The following PIERCE2 variants were observed in gnomAD, a reference collection of about 807,000 sequenced individuals.
PIERCE2 encodes the protein piercer of microtubule wall 2, also known as piercer of microtubule wall 2 protein.
At chr15:55,415,230 G>A in the PIERCE2 span, among the ~76,000 whole-genome samples, 2 of 152,138 alleles carry the variant, frequency 1.3e-5, no homozygotes, top group Non-Finnish European at 2.9e-5. Flanking sequence ...CACTTTGGGA[G>A]GCCGAGGCAG....
At chr15:55,411,853 G>A in the PIERCE2 span, among the ~76,000 whole-genome samples, 3 of 151,960 alleles carry the variant, frequency 2.0e-5, no homozygotes, top group Admixed American at 6.6e-5. Context: ...CCCAGAAGGC[G>A]GAGGTTGCGG....
the PIERCE2 span, chr15:55,417,830 G>C: frequency 3.7e-6 from 1 of 267,524 alleles, no homozygotes; most frequent in Non-Finnish European, 7.1e-6. Flanking sequence ...AGCGAAGGGA[G>C]ATAGGGGTGG....
chr15:55,415,456 CA>C, the PIERCE2 span, among the ~76,000 whole-genome samples: 16,197 of 82,682 alleles, frequency 0.2, 1,099 homozygotes, highest in African/African-American at 0.31. Context: ...AACTTCGTCT[CA>C]AAAAAAAAAA....
the PIERCE2 span, among the ~76,000 whole-genome samples, chr15:55,415,939 A>G: frequency 6.6e-6 from 1 of 152,108 alleles, no homozygotes; most frequent in African/African-American, 2.4e-5. Flanking sequence ...CTTCCATCTA[A>G]ATCAGTACAC....
At chr15:55,413,160 C>T in the PIERCE2 span, among the ~76,000 whole-genome samples, 5,554 of 151,204 alleles carry the variant, frequency 0.037, 105 homozygotes, top group African/African-American at 0.05. Context: ...TCCAGCTACT[C>T]GGGAGGCTGA....
the PIERCE2 span, chr15:55,418,473 A>G: frequency 5.9e-6 from 9 of 1,526,816 alleles, no homozygotes; most frequent in Non-Finnish European, 7.0e-6. Context: ...TTTTCAAGCC[A>G]TATCAGAGCA....
chr15:55,413,760 CAAAAA>C, the PIERCE2 span, among the ~76,000 whole-genome samples: 26 of 111,458 alleles, frequency 2.3e-4, no homozygotes, highest in Non-Finnish European at 3.4e-4. Flanking sequence ...AACTCCGTTT[CAAAAA>C]AAAAAAAAAA....
the PIERCE2 span, among the ~76,000 whole-genome samples, chr15:55,413,051 G>A: frequency 6.6e-5 from 10 of 151,398 alleles, no homozygotes; most frequent in East Asian, 2.0e-4. Context: ...GGCGGATCAC[G>A]AGGTCAGGAG....
the PIERCE2 span, among the ~76,000 whole-genome samples, chr15:55,415,790 G>A: frequency 1.3e-5 from 2 of 152,150 alleles, no homozygotes; most frequent in Non-Finnish European, 2.9e-5. Flanking sequence ...GTAGTGCCGG[G>A]CTGTCTGCCT....
the PIERCE2 span, among the ~76,000 whole-genome samples, chr15:55,412,975 T>C: frequency 6.6e-6 from 1 of 151,858 alleles, no homozygotes; most frequent in African/African-American, 2.4e-5. Flanking sequence ...ACAAAAAAAT[T>C]ATAAAAATTA....
chr15:55,411,866 A>G, the PIERCE2 span, among the ~76,000 whole-genome samples: 1 of 152,064 alleles, frequency 6.6e-6, no homozygotes, highest in Admixed American at 6.6e-5. Context: ...GGTTGCGGTG[A>G]GCTGAGATTG....
the PIERCE2 span, chr15:55,418,328 C>A: frequency 1.3e-6 from 2 of 1,543,040 alleles, no homozygotes. Flanking sequence ...TATGTTGGAT[C>A]CAAAGACACT....
the PIERCE2 span, among the ~76,000 whole-genome samples, chr15:55,410,372 A>G: frequency 6.6e-6 from 1 of 152,212 alleles, no homozygotes; most frequent in African/African-American, 2.4e-5. Flanking sequence ...GCGGTGGCTC[A>G]TGCCTATAAT....
the PIERCE2 span, among the ~76,000 whole-genome samples, chr15:55,415,647 G>C: frequency 6.5e-3 from 983 of 152,140 alleles, 18 homozygotes; most frequent in African/African-American, 0.023. Context: ...ACTGGGGGCT[G>C]CATGCACCAG....
At chr15:55,412,093 CAAAA>C in the PIERCE2 span, among the ~76,000 whole-genome samples, 235 of 82,068 alleles carry the variant, frequency 2.9e-3, no homozygotes, top group Non-Finnish European at 3.7e-3. Flanking sequence ...TTTGTCTCCA[CAAAA>C]AAAAAAAAAA....
the PIERCE2 span, among the ~76,000 whole-genome samples, chr15:55,416,756 C>G: frequency 6.6e-6 from 1 of 151,870 alleles, no homozygotes; most frequent in Admixed American, 6.6e-5. Context: ...GTCAGGAGTT[C>G]GAGACCAGTC....
the PIERCE2 span, among the ~76,000 whole-genome samples, chr15:55,410,261 G>C: frequency 6.6e-6 from 1 of 152,136 alleles, no homozygotes; most frequent in African/African-American, 2.4e-5. Context: ...GTTTTTACTA[G>C]ATTTCGTTTT....
chr15:55,411,978 C>T, the PIERCE2 span, among the ~76,000 whole-genome samples: 7 of 150,586 alleles, frequency 4.6e-5, no homozygotes, highest in East Asian at 9.8e-4. Flanking sequence ...TTAAGCCCAG[C>T]GATTTGGGAG....
At chr15:55,414,500 T>G in the PIERCE2 span, among the ~76,000 whole-genome samples, 9 of 152,132 alleles carry the variant, frequency 5.9e-5, no homozygotes, top group South Asian at 1.9e-3. Flanking sequence ...TTTTCCCAAC[T>G]AGAAATGCAA....
Sources: allele counts gnomAD v4.1 joint callset (sites outside exome capture counted in the v4.1 genomes callset), GRCh38; gene constraint gnomAD v4.1.1; transcripts MANE v1.5; gene names NCBI Gene and HGNC (gene_info 2026-07-23, HGNC 2026-07-21).